The following PTPRD variants were observed in gnomAD, a reference collection of about 807,000 sequenced individuals.
The protein encoded by PTPRD is protein tyrosine phosphatase receptor type D, also known as receptor-type tyrosine-protein phosphatase delta.
In PTPRD, 34 loss-of-function variants were observed where a neutral mutation model predicts 214.5. The observed-to-expected ratio is 0.16, with a 90% confidence interval of 0.12 to 0.21. The LOEUF (loss-of-function observed/expected upper bound fraction) is 0.21, where lower values mean the gene tolerates loss of function less well. Among genes scored for constraint, PTPRD ranks in the 10% least tolerant of loss-of-function variants. The probability of loss-of-function intolerance (pLI) is 1.00; values close to 1 mark genes in which losing one functional copy is unlikely to be tolerated. For synonymous variants in PTPRD, 1,128 were observed against 845.7 expected, an observed-to-expected ratio of 1.33 and a Z score of -5.79; for missense variants, 2,545 against 2,398.7, an observed-to-expected ratio of 1.06 and a Z score of -1.27.
At chr9:9,048,922 C>T (rs919988731) in intron 10 of PTPRD, among the ~76,000 whole-genome samples, 1 of 151,874 alleles carries the variant, frequency 6.6e-6, no homozygotes, top group African/African-American at 2.4e-5. Context: ...TCTCATGTAC[C>T]CCATAAATAT....
At chr9:9,359,663 A>G (rs2055245330) in intron 9 of PTPRD, among the ~76,000 whole-genome samples, 1 of 151,258 alleles carries the variant, frequency 6.6e-6, no homozygotes, top group Non-Finnish European at 1.5e-5. Context: ...TGTGGAACTC[A>G]TATACCTCAT....
At chr9:10,061,839 T>C (rs2097781886) in intron 3 of PTPRD, among the ~76,000 whole-genome samples, 1 of 152,080 alleles carries the variant, frequency 6.6e-6, no homozygotes. Context: ...CTACAATTTA[T>C]ACCAGTGGTT....
intron 2 of PTPRD, among the ~76,000 whole-genome samples, chr9:10,489,234 G>A (rs993980740): frequency 6.6e-6 from 1 of 152,108 alleles, no homozygotes; most frequent in Non-Finnish European, 1.5e-5. Context: ...CTGCCCCTGG[G>A]TGTGTCTAGA....
intron 2 of PTPRD, among the ~76,000 whole-genome samples, chr9:10,489,735 T>A (rs965550828): frequency 6.6e-6 from 1 of 152,086 alleles, no homozygotes; most frequent in African/African-American, 2.4e-5. Context: ...CCCTCCATGG[T>A]TAGTTATCAG....
intron 5 of PTPRD, among the ~76,000 whole-genome samples, chr9:9,834,647 C>A (rs557220191): frequency 3.4e-4 from 52 of 152,154 alleles, no homozygotes; most frequent in African/African-American, 1.2e-3. Context: ...CCTCTGGGGT[C>A]ATTTCTTATT....
At chr9:9,373,814 T>C (rs945907751) in intron 9 of PTPRD, among the ~76,000 whole-genome samples, 12 of 152,272 alleles carry the variant, frequency 7.9e-5, no homozygotes, top group Admixed American at 5.2e-4. Flanking sequence ...TGGAAATCTC[T>C]GGGGACTTTT....
intron 3 of PTPRD, among the ~76,000 whole-genome samples, chr9:10,036,147 A>G (rs1408441594): frequency 2.6e-5 from 4 of 152,206 alleles, no homozygotes; most frequent in Admixed American, 2.0e-4. Context: ...TCAAAGAAAG[A>G]TACAAATTTA....
rs372105815 is a variant in PTPRD at position 10,182,528 on chromosome 9, A to G, written c.-544-148738T>C. Among the ~76,000 whole-genome samples the G allele has an allele frequency of 7.7e-4, 117 of 152,202 alleles. 2 individuals carry two copies. In the South Asian group the frequency reaches 0.022, roughly 29 times the overall value. The stretch of plus-strand genomic sequence containing the variant: ...AGAGCTCTTACTATTTATCAGTAAT[A>G]TCTCTAAGTGTTTAACATCTATTTA... On this transcript the variant is annotated intron_variant, in intron 3 of 45. Transcript: ENST00000381196.
At chr9:8,329,558 C>T (rs1237609434) in intron 44 of PTPRD, among the ~76,000 whole-genome samples, 1 of 152,134 alleles carries the variant, frequency 6.6e-6, no homozygotes, top group Non-Finnish European at 1.5e-5. Context: ...GGGAGAAATG[C>T]TGCGCTCATC....
chr9:9,207,582 G>T (rs1457431667), intron 9 of PTPRD, among the ~76,000 whole-genome samples: 1 of 152,104 alleles, frequency 6.6e-6, no homozygotes, highest in Non-Finnish European at 1.5e-5. Context: ...GTGGAAAAAC[G>T]TGCTCTGTCT....
In PTPRD at chr9:8,933,340, GT is replaced by G. The variant is rs71317383; in HGVS notation, c.-104+85356del. 7.9e-3 allele frequency among the ~76,000 whole-genome samples: 635 copies of G among 80,444 alleles called. 17 individuals carry two copies. Among genetic ancestry groups the G allele is most frequent in the African/African-American group, 0.027 (537 of 19,778 alleles). The allele number at this position is 80,444 out of a possible 152,430, so 52.8% of individuals were successfully genotyped here. A position where few individuals can be genotyped will look rare whatever the true frequency, so the allele number is the denominator to read the frequency against. On this transcript the variant is annotated intron_variant, in intron 11 of 45. Transcript: ENST00000381196. ...CCATCTTGCCAGCCACAACCTTGAG[GT>G]TTTTTTTTTTTTTTTTTTTTTTACA...
chr9:10,346,439 A>G (rs940632102), intron 2 of PTPRD, among the ~76,000 whole-genome samples: 3 of 152,212 alleles, frequency 2.0e-5, no homozygotes, highest in Non-Finnish European at 4.4e-5. Context: ...CAAAATAAAG[A>G]CTGAAAAATT....
At chr9:8,497,501 T>C (rs1469345970) in intron 25 of PTPRD, among the ~76,000 whole-genome samples, 1 of 152,214 alleles carries the variant, frequency 6.6e-6, no homozygotes, top group Non-Finnish European at 1.5e-5. Flanking sequence ...ATTCTTTAAA[T>C]GTATGGTTCA....
chr9:10,504,874 G>A (rs761685740), intron 2 of PTPRD, among the ~76,000 whole-genome samples: 54 of 152,142 alleles, frequency 3.5e-4, no homozygotes, highest in Non-Finnish European at 5.9e-4. Flanking sequence ...ATTAGGAGAT[G>A]GATGTGCACC....
intron 9 of PTPRD, among the ~76,000 whole-genome samples, chr9:9,330,342 G>C (rs185475361): frequency 1.4e-4 from 22 of 152,152 alleles, no homozygotes; most frequent in Admixed American, 1.2e-3. Context: ...TGTATAAGAA[G>C]AAATACATAT....
chr9:10,358,698 T>C (rs1026097951), intron 2 of PTPRD, among the ~76,000 whole-genome samples: 2 of 151,966 alleles, frequency 1.3e-5, no homozygotes, highest in Admixed American at 6.6e-5. Context: ...CACATATATA[T>C]ATAAAGTTTT....
chr9:9,352,353 G>GTGTA (rs1393822900), intron 9 of PTPRD, among the ~76,000 whole-genome samples: 6 of 130,018 alleles, frequency 4.6e-5, no homozygotes, highest in African/African-American at 1.6e-4. Flanking sequence ...GTGTGTGTGT[G>GTGTA]TATATATGTG....
chr9:9,307,839 T>C (rs1354517534), intron 9 of PTPRD, among the ~76,000 whole-genome samples: 1 of 152,200 alleles, frequency 6.6e-6, no homozygotes, highest in East Asian at 1.9e-4. Context: ...TTGCACTTCG[T>C]GTCTGTTCTA....
intron 14 of PTPRD, among the ~76,000 whole-genome samples, chr9:8,575,949 A>G (rs1035860200): frequency 6.6e-6 from 1 of 152,198 alleles, no homozygotes; most frequent in Non-Finnish European, 1.5e-5. Context: ...GATGTACTAC[A>G]AAGATTTCAG....
Sources: allele counts gnomAD v4.1 joint callset (sites outside exome capture counted in the v4.1 genomes callset), GRCh38; gene constraint gnomAD v4.1.1; transcripts MANE v1.5; gene names NCBI Gene and HGNC (gene_info 2026-07-23, HGNC 2026-07-21).